Variants in SLC16A4 observed in about 807,000 individuals in gnomAD.
The protein encoded by SLC16A4 is solute carrier family 16 member 4, also known as probable monocarboxylate transporter 5.
SLC16A4 carries 39 observed loss-of-function variants against 47.9 expected under a neutral mutation model. The ratio of observed to expected loss-of-function variants is 0.81; its 90% CI spans 0.63 to 1.06. SLC16A4 has a LOEUF of 1.06. Ranked by LOEUF, SLC16A4 falls within the 50% of genes least tolerant of loss-of-function variation. The pLI is 0.00. For synonymous variants in SLC16A4, 189 were observed against 199.9 expected (o/e 0.95, Z 0.46); for missense variants, 524 against 573.8 (o/e 0.91, Z 0.89).
At chr1:110,383,490 G>A (rs1208489277) in intron 2 of SLC16A4, among the ~76,000 whole-genome samples, 1 of 152,110 alleles carries the variant, frequency 6.6e-6, no homozygotes, top group African/African-American at 2.4e-5. Flanking sequence ...GCCCTTTTGC[G>A]CTGAGTCACT....
intron 2 of SLC16A4, among the ~76,000 whole-genome samples, chr1:110,384,995 A>G (rs1371634555): frequency 6.6e-6 from 1 of 152,170 alleles, no homozygotes; most frequent in Non-Finnish European, 1.5e-5. Context: ...CCTGGGCGAC[A>G]GTGAGACCTT....
At chr1:110,378,032 C>T (rs1662110304) in intron 6 of SLC16A4, among the ~76,000 whole-genome samples, 3 of 152,064 alleles carry the variant, frequency 2.0e-5, no homozygotes, top group Middle Eastern at 3.4e-3. Flanking sequence ...GGTTTCACCA[C>T]GTTAGCTAGG....
Position 110,379,037 on chromosome 1 carries a change from A to C in SLC16A4, c.846T>G (p.Val282=). ...ACAGTTGTTTGCAGCTCCACGAAAT[A>C]ACCTTATCACTTTCTTCATCACTCT... ...LLKSDEESDK[V]ISWSCKQLFD... Residue 282 remains valine, a synonymous_variant, in exon 6 of 9, where the codon GTT becomes GTG. Transcript: ENST00000369779. The C allele has an allele frequency of 6.2e-7, 1 of 1,614,254 alleles. No individual in the cohort carries two copies. The highest frequency in any genetic ancestry group is 8.5e-7 in the Non-Finnish European group (1 of 1,180,034).
chr1:110,380,235 A>G (rs1371686694), intron 5 of SLC16A4, among the ~76,000 whole-genome samples: 1 of 152,124 alleles, frequency 6.6e-6, no homozygotes, highest in Non-Finnish European at 1.5e-5. Flanking sequence ...TTCTAAAGAT[A>G]GAATGGGCTA....
At chr1:110,377,837 T>C (rs1333532523) in intron 6 of SLC16A4, among the ~76,000 whole-genome samples, 1 of 152,096 alleles carries the variant, frequency 6.6e-6, no homozygotes, top group East Asian at 1.9e-4. Flanking sequence ...TTTATTTTAT[T>C]ATTATTTTTT....
chr1:110,363,786 A>T lies in SLC16A4; in HGVS notation c.1444T>A (p.Trp482Arg), dbSNP rs773611908. Residue 482 changes from tryptophan to arginine, a missense_variant, in exon 9 of 9, where the codon TGG becomes AGG. Transcript: ENST00000369779. ...TTCTTTCAGGTCAGACTGTTTTTCC[A>T]TCTTTCGGCCAATGGTACAAAAAAA... is the stretch of plus-strand genomic sequence containing the variant. ...SFFFVPLAERWKNSLT is the reference protein window; with the variant it reads ...SFFFVPLAERRKNSLT 3.7e-6 allele frequency: 6 copies of T among 1,608,840 alleles called. No homozygotes were observed. The highest frequency in any genetic ancestry group is 5.1e-6 in the Non-Finnish European group (6 of 1,178,300).
At chr1:110,377,960 G>T (rs984816127) in intron 6 of SLC16A4, among the ~76,000 whole-genome samples, 7 of 152,112 alleles carry the variant, frequency 4.6e-5, no homozygotes, top group Admixed American at 3.3e-4. Context: ...CTCCTGAATA[G>T]CTGCTACTAC....
intron 7 of SLC16A4, among the ~76,000 whole-genome samples, chr1:110,376,181 G>A (rs1661988925): frequency 6.6e-6 from 1 of 152,020 alleles, no homozygotes; most frequent in African/African-American, 2.4e-5. Flanking sequence ...CCGGCCAGAC[G>A]GTGATATTCT....
chr1:110,383,537 T>TGAGC (rs1662546150), intron 2 of SLC16A4, among the ~76,000 whole-genome samples: 1 of 152,130 alleles, frequency 6.6e-6, no homozygotes, highest in East Asian at 1.9e-4. Flanking sequence ...CACAACCAGA[T>TGAGC]GAGCCAGTTT....
At position 110,377,073 on chromosome 1, in the gene SLC16A4, GAGGTAA is replaced by G. The variant is rs771049846; in HGVS notation, c.1113_1118del (p.Tyr372_Leu373del). On this transcript the variant is annotated inframe_deletion, in exon 7 of 9. Transcript: ENST00000369779. ...GCAGGTTAGTGATGCCGCAGAGGAT[GAGGTAA>G]GACTTGTGGTAATGATACTTCTTAA... The G allele has an allele frequency of 2.5e-6, 4 of 1,613,996 alleles. No individual in the cohort carries two copies. The African/African-American group carries it at 5.3e-5, about 22-fold the overall frequency.
intron 8 of SLC16A4, among the ~76,000 whole-genome samples, chr1:110,364,500 T>C (rs1661263070): frequency 8.9e-5 from 1 of 11,298 alleles, no homozygotes; most frequent in Non-Finnish European, 2.2e-4. Flanking sequence ...ATCTAAATGC[T>C]TTTTTTTTTT....
chr1:110,383,626 A>G (rs1031884637), intron 2 of SLC16A4, among the ~76,000 whole-genome samples: 5 of 152,158 alleles, frequency 3.3e-5, no homozygotes, highest in Non-Finnish European at 7.3e-5. Flanking sequence ...AGGTTTCACA[A>G]TAGTGATGTT....
chr1:110,375,852 T>C (rs113518187), intron 7 of SLC16A4, among the ~76,000 whole-genome samples: 5 of 152,264 alleles, frequency 3.3e-5, no homozygotes, highest in South Asian at 2.1e-4. Context: ...TTTTCTCTTA[T>C]TAGGAAATGA....
At chr1:110,384,280 T>A (rs929242428) in intron 2 of SLC16A4, among the ~76,000 whole-genome samples, 1 of 152,250 alleles carries the variant, frequency 6.6e-6, no homozygotes, top group Admixed American at 6.5e-5. Flanking sequence ...TCACTAGATA[T>A]ATAAATAGGT....
chr1:110,368,956 C>CT lies in SLC16A4; in HGVS notation c.1337-5064dup, dbSNP rs762080985. Among the ~76,000 whole-genome samples the CT allele has an allele frequency of 6.4e-3, 900 of 139,560 alleles. 3 individuals are homozygous for CT. The highest frequency in any genetic ancestry group is 7.9e-3 in the Non-Finnish European group (501 of 63,508). The allele number at this position is 139,560 out of a possible 152,430, so 91.6% of individuals were successfully genotyped here. ...TTGATTGTTAAGCTAAGTTATGAAT[C>CT]TTTTTTTTTTTTTTTTGAGATGGAG... is the stretch of plus-strand genomic sequence containing the variant. On this transcript the variant is annotated intron_variant, in intron 8 of 8. Coordinates refer to ENST00000369779, the MANE Select transcript of SLC16A4 (RefSeq NM_004696.3).
chr1:110,371,594 C>G (rs933884089), intron 8 of SLC16A4: 7 of 152,170 alleles, frequency 4.6e-5, no homozygotes, highest in Non-Finnish European at 1.0e-4. Flanking sequence ...ATCAATACTT[C>G]TCATTTTTCC....
At chr1:110,390,713 C>A (rs865796843) in intron 1 of SLC16A4, among the ~76,000 whole-genome samples, 152 bp downstream of exon 1, 1 of 152,152 alleles carries the variant, frequency 6.6e-6, no homozygotes, top group Non-Finnish European at 1.5e-5. Flanking sequence ...CATTATTTCC[C>A]CTGTCGGGTC....
chr1:110,375,155 C>T (rs1311312085), intron 8 of SLC16A4: 4 of 190,174 alleles, frequency 2.1e-5, no homozygotes, highest in Non-Finnish European at 3.1e-5. Context: ...TTTAAAGCAT[C>T]ATGGGTCTTT....
chr1:110,366,410 T>A (rs1485914915), intron 8 of SLC16A4, among the ~76,000 whole-genome samples: 1 of 152,306 alleles, frequency 6.6e-6, no homozygotes. Flanking sequence ...TCCGCCTGCC[T>A]CAGCCTTCTA....
Sources: gnomAD v4.1 joint callset for allele counts (sites outside exome capture counted in the v4.1 genomes callset) on GRCh38, gnomAD v4.1.1 for gene constraint, MANE v1.5 for transcripts, NCBI Gene and HGNC (gene_info 2026-07-23, HGNC 2026-07-21) for gene names.